The following CTBS variants were observed in gnomAD, a reference collection of about 807,000 sequenced individuals.
CTBS encodes the protein di-N-acetylchitobiase.
In CTBS, 35 loss-of-function variants were observed where a neutral mutation model predicts 44.3. The ratio of observed to expected loss-of-function variants is 0.79; its 90% CI spans 0.60 to 1.05. CTBS has a LOEUF of 1.05. CTBS is among the 50% of genes least tolerant of loss of function. CTBS has a pLI of 0.00. For missense variants in CTBS, 458 were observed against 475.3 expected (o/e 0.96, Z 0.34); for synonymous variants, 143 against 168.0 (o/e 0.85, Z 1.15).
chr1:84,569,847 A>G, intron 3 of CTBS, 84 bp downstream of exon 3: 2 of 1,222,618 alleles, frequency 1.6e-6, no homozygotes, highest in Non-Finnish European at 2.3e-6. Flanking sequence ...ATTACTATAA[A>G]ACAAAGATTA....
Position 84,553,156 on chromosome 1 carries a change from A to T in CTBS, c.*1843T>A, listed in dbSNP as rs932312497. On this transcript the variant is annotated 3_prime_UTR_variant, in exon 7 of 7. Transcript: ENST00000370630. ...TAATTTAAAACTTTTATTTGTAAAA[A>T]AATTTAAATATGTATTTGAACAGAT... 4.1e-6 allele frequency: 5 copies of T among 1,230,448 alleles called. No individual in the cohort carries two copies. The Admixed American group carries it at 1.5e-4, about 37-fold the overall frequency. 76.2% of individuals were successfully genotyped at this position (1,230,448 alleles called of 1,614,324 possible). A position where few individuals can be genotyped will look rare whatever the true frequency, so the allele number is the denominator to read the frequency against.
rs746777963 is a variant in CTBS, at chr1:84,563,823, T to C, written c.707A>G (p.Asp236Gly). 2.9e-5 allele frequency: 47 copies of C among 1,605,398 alleles called. No individual in the cohort carries two copies. The highest frequency in any genetic ancestry group is 3.7e-5 in the Non-Finnish European group (43 of 1,175,318). Residue 236 changes from aspartate (D) to glycine (G), a missense_variant, in exon 5 of 7, where the codon GAC (aspartate) becomes GGC (glycine). Asp to Gly is a moderately conservative substitution (Grantham distance 94, BLOSUM62 -1). Coordinates refer to ENST00000370630, the MANE Select transcript of CTBS (RefSeq NM_004388.3). ...PYNQTLTGYN[D>G]YIKMSINPKK... ...AGGATTAATGCTCATCTTGATGTAG[T>C]CATTATATCCTAGTCAAGCAGGAGA... is the stretch of plus-strand genomic sequence containing the variant.
intron 6 of CTBS, 58 bp downstream of exon 6, chr1:84,563,199 A>G: frequency 8.5e-7 from 1 of 1,176,562 alleles, no homozygotes; most frequent in Non-Finnish European, 1.1e-6. Context: ...ACATCTAATT[A>G]TGAAAATAAT....
chr1:84,568,723 AT>A (rs1647206329), intron 3 of CTBS, among the ~76,000 whole-genome samples: 2 of 152,082 alleles, frequency 1.3e-5, no homozygotes, highest in Non-Finnish European at 2.9e-5. Context: ...ACAGGGGCAG[AT>A]TTCCCCCTCC....
At position 84,569,909 on chromosome 1, in the gene CTBS, CAAAAAAT is replaced by C; in HGVS notation, c.525+15_525+21del. 6.3e-7 allele frequency: 1 copy of C among 1,597,734 alleles called. No individual in the cohort carries two copies. The highest frequency in any genetic ancestry group is 8.5e-7 in the Non-Finnish European group (1 of 1,170,510). Reference sequence around the variant, plus strand: ...TCTGATATGGAAAATATGAGGTTTCCAAAAAATAAATGAGTTTTTACCTGTGATCCCT... The same window carrying C: ...TCTGATATGGAAAATATGAGGTTTCCAAATGAGTTTTTACCTGTGATCCCT... On this transcript the variant is annotated intron_variant, in intron 3 of 6. Coordinates refer to ENST00000370630, the MANE Select transcript of CTBS (RefSeq NM_004388.3).
chr1:84,568,261 C>A (rs1464793943), intron 3 of CTBS, among the ~76,000 whole-genome samples: 2 of 152,188 alleles, frequency 1.3e-5, no homozygotes, highest in Non-Finnish European at 2.9e-5. Flanking sequence ...CCCATATATT[C>A]CACACATCAA....
At chr1:84,569,544 C>A (rs1302127973) in intron 3 of CTBS, among the ~76,000 whole-genome samples, 11 of 152,122 alleles carry the variant, frequency 7.2e-5, no homozygotes, top group Non-Finnish European at 1.6e-4. Flanking sequence ...GCCTTGGGTG[C>A]AAGTAATTCA....
intron 6 of CTBS, among the ~76,000 whole-genome samples, chr1:84,562,157 T>C (rs1684607318): frequency 6.6e-6 from 1 of 152,218 alleles, no homozygotes; most frequent in Non-Finnish European, 1.5e-5. Context: ...ATTAATATAA[T>C]TGTTGTTACA....
At position 84,554,936 on chromosome 1, in the gene CTBS, C is replaced by A. The variant is rs748114267; in HGVS notation, c.*63G>T. On this transcript the variant is annotated 3_prime_UTR_variant, in exon 7 of 7. Transcript: ENST00000370630. ...AGTATATAGCAACATAATAAAAATG[C>A]AAGAAACTAGATCTGTTGATACAGA... The A allele has an allele frequency of 1.3e-4, 169 of 1,305,374 alleles. No individual in the cohort carries two copies. The highest frequency in any genetic ancestry group is 1.6e-4 in the Non-Finnish European group (145 of 931,876). The allele number at this position is 1,305,374 out of a possible 1,614,324, so 80.9% of individuals were successfully genotyped here.
rs1471547125 is a variant in CTBS, at chr1:84,552,568, A to G, written c.*2431T>C. The G allele has an allele frequency of 6.6e-6, 1 of 152,254 alleles. No homozygotes were observed. Among genetic ancestry groups the G allele is most frequent in the African/African-American group, 2.4e-5 (1 of 41,458 alleles). The allele number at this position is 152,254 out of a possible 1,614,324, so 9.4% of individuals were successfully genotyped here. A position where few individuals can be genotyped will look rare whatever the true frequency, so the allele number is the denominator to read the frequency against. On this transcript the variant is annotated 3_prime_UTR_variant, in exon 7 of 7. Transcript: ENST00000370630. The stretch of plus-strand genomic sequence containing the variant: ...ATTCTGTAAAATTTTTGAAAAAAAA[A>G]TAAGAGACTAATACACTTAGAAGAG...
In CTBS at chr1:84,550,761, A is replaced by T; in HGVS notation, c.*4238T>A. The T allele has an allele frequency of 9.3e-7, 1 of 1,075,724 alleles. No individual in the cohort carries two copies. 66.6% of individuals were successfully genotyped at this position (1,075,724 alleles called of 1,614,324 possible). On this transcript the variant is annotated 3_prime_UTR_variant, in exon 7 of 7. Transcript: ENST00000370630. ...CCAAAGTAAAATTTAGTAAAATTTT[A>T]CTAGGAAGAATTAAAGGAAAAGGAA... is the stretch of plus-strand genomic sequence containing the variant.
chr1:84,561,233 T>C (rs1684589246), intron 6 of CTBS, among the ~76,000 whole-genome samples: 1 of 152,146 alleles, frequency 6.6e-6, no homozygotes, highest in African/African-American at 2.4e-5. Context: ...AGAAGTGGGT[T>C]ACAACCCTCA....
chr1:84,557,540 AAAAAAAAAAAAAAG>A (rs1437660012), intron 6 of CTBS, among the ~76,000 whole-genome samples: 37 of 136,860 alleles, frequency 2.7e-4, no homozygotes, highest in Admixed American at 7.1e-4. Context: ...TCTCAAAAAA[AAAAAAAAAAAAAAG>A]AAAAAAAAAA....
At position 84,565,863 on chromosome 1, in the gene CTBS, A is replaced by G; in HGVS notation, c.675T>C (p.Ala225=). 1 of 1,564,772 alleles carries G rather than the reference A, an allele frequency of 6.4e-7. No homozygotes were observed. Among genetic ancestry groups the G allele is most frequent in the Non-Finnish European group, 8.6e-7 (1 of 1,158,662 alleles). Residue 225 remains alanine (A), a synonymous_variant, in exon 4 of 7, where the codon GCT becomes GCC. Coordinates refer to ENST00000370630, the MANE Select transcript of CTBS (RefSeq NM_004388.3). Reference sequence around the variant, plus strand: ...TACCAGTTAATGTCTGATTATAGGGAGCATTGGCTGCTGCAATACATTCTG... The same window carrying G: ...TACCAGTTAATGTCTGATTATAGGGGGCATTGGCTGCTGCAATACATTCTG... ...IWSECIAAAN[A]PYNQTLTGYN... is the part of the protein sequence containing the mutation.
chr1:84,556,860 A>G (rs772911545), intron 6 of CTBS, among the ~76,000 whole-genome samples: 24 of 152,176 alleles, frequency 1.6e-4, no homozygotes, highest in Non-Finnish European at 2.8e-4. Flanking sequence ...TTTTAGAACT[A>G]GACAAAGCCA....
chr1:84,563,317 A>G lies in CTBS; in HGVS notation c.897T>C (p.Asn299=), dbSNP rs1444975199. The change falls in exon 6 of 7, where the codon AAT becomes AAC. Residue 299 remains asparagine (N), a synonymous_variant. Coordinates refer to ENST00000370630, the MANE Select transcript of CTBS (RefSeq NM_004388.3). Reference sequence around the variant, plus strand: ...CCCATAGGTTTCCAGAAATAGAACTATTTATTTGCTTCATGATCGTTTTGT... The same window carrying G: ...CCCATAGGTTTCCAGAAATAGAACTGTTTATTTGCTTCATGATCGTTTTGT... ...VPYKTIMKQI[N]SSISGNLWDK... is the part of the protein sequence containing the mutation. 6.3e-7 allele frequency: 1 copy of G among 1,598,364 alleles called. No individual in the cohort carries two copies. The highest frequency in any genetic ancestry group is 1.7e-5 in the Admixed American group (1 of 57,392).
chr1:84,556,440 C>T (rs538115393), intron 6 of CTBS, among the ~76,000 whole-genome samples: 12 of 152,040 alleles, frequency 7.9e-5, no homozygotes, highest in Admixed American at 2.6e-4. Context: ...GGGCCGGGCA[C>T]GGTGTCTCAG....
intron 6 of CTBS, among the ~76,000 whole-genome samples, chr1:84,557,546 A>AG (rs1441099734): frequency 9.3e-4 from 127 of 137,066 alleles, no homozygotes; most frequent in African/African-American, 4.0e-3. Flanking sequence ...AAAAAAAAAA[A>AG]AAAAAAAGAA....
intron 6 of CTBS, among the ~76,000 whole-genome samples, chr1:84,558,497 TA>T (rs1684520266): frequency 6.6e-6 from 1 of 151,250 alleles, no homozygotes; most frequent in Non-Finnish European, 1.5e-5. Flanking sequence ...TTCACCGTTT[TA>T]GCCGGGATGG....
Sources: allele counts gnomAD v4.1 joint callset (sites outside exome capture counted in the v4.1 genomes callset), GRCh38; gene constraint gnomAD v4.1.1; transcripts MANE v1.5; gene names NCBI Gene and HGNC (gene_info 2026-07-23, HGNC 2026-07-21).